The following MCPH1 variants were observed in gnomAD, a reference collection of about 807,000 sequenced individuals.
MCPH1 encodes the protein microcephalin 1, also known as microcephalin.
MCPH1 carries 104 observed loss-of-function variants against 84.5 expected under a neutral mutation model. The ratio of observed to expected loss-of-function variants is 1.23; its 90% CI spans 1.05 to 1.45. The LOEUF is 1.45. Ranked by LOEUF, MCPH1 falls within the 40% of genes most tolerant of loss-of-function variation. The pLI, the probability that MCPH1 is intolerant of heterozygous loss-of-function variation, is 0.00. For missense variants in MCPH1, 1,498 were observed against 1,005.7 expected (o/e 1.49, Z -6.62); for synonymous variants, 514 against 366.8 (o/e 1.40, Z -4.58).
intron 12 of MCPH1, among the ~76,000 whole-genome samples, chr8:6,537,859 A>C (rs1820785931): frequency 6.6e-6 from 1 of 152,156 alleles, no homozygotes; most frequent in Admixed American, 6.5e-5. Flanking sequence ...TTTCTCACCA[A>C]CTGTAGATGC....
rs373757547 is a variant in MCPH1 at position 6,414,812 on chromosome 8, T to C, written c.162T>C (p.Asp54=). The C allele has an allele frequency of 1.2e-6, 2 of 1,613,882 alleles. No individual in the cohort carries two copies. The highest frequency in any genetic ancestry group is 1.3e-5 in the African/African-American group (1 of 75,000). Residue 54 remains aspartate, a synonymous_variant, in exon 3 of 14, where the codon GAT becomes GAC. Transcript: ENST00000344683. The part of the protein sequence containing the change: ...NKQVTHVIFK[D]GYQSTWDKAQ... ...AAGTAACTCACGTTATCTTCAAAGA[T>C]GGCTACCAGAGCACTTGGGACAAAG... is the stretch of plus-strand genomic sequence containing the variant.
At chr8:6,453,127 C>T (rs188219035) in intron 8 of MCPH1, among the ~76,000 whole-genome samples, 260 of 152,286 alleles carry the variant, frequency 1.7e-3, no homozygotes, top group Non-Finnish European at 3.2e-3. Context: ...AATAAAGAGT[C>T]ATCCAAGAAG....
chr8:6,616,041 T>C (rs1419363656), intron 12 of MCPH1: 1 of 152,218 alleles, frequency 6.6e-6, no homozygotes, highest in East Asian at 1.9e-4. Context: ...AGAGCTTGCA[T>C]TACTGAGCGC....
chr8:6,548,252 C>G (rs142992787), intron 12 of MCPH1, among the ~76,000 whole-genome samples: 51 of 152,250 alleles, frequency 3.3e-4, no homozygotes, highest in African/African-American at 1.2e-3. Flanking sequence ...AAATGCCTTT[C>G]CTGCACCCTG....
chr8:6,525,823 A>G (rs541357925), intron 12 of MCPH1, among the ~76,000 whole-genome samples: 2 of 152,332 alleles, frequency 1.3e-5, no homozygotes, highest in Non-Finnish European at 2.9e-5. Flanking sequence ...AGCTGATGAG[A>G]AAAAGCTTAT....
At chr8:6,576,239 A>G (rs1376255834) in intron 12 of MCPH1, among the ~76,000 whole-genome samples, 1 of 152,120 alleles carries the variant, frequency 6.6e-6, no homozygotes, top group African/African-American at 2.4e-5. Context: ...AGTGTTTCCT[A>G]GAAGTACTAA....
chr8:6,416,855 A>G (rs183528823), intron 3 of MCPH1, among the ~76,000 whole-genome samples: 4 of 152,238 alleles, frequency 2.6e-5, no homozygotes, highest in Non-Finnish European at 5.9e-5. Flanking sequence ...TTAGCCAGTC[A>G]TGTTGGCGTG....
chr8:6,607,703 A>T (rs1253096076), intron 12 of MCPH1, among the ~76,000 whole-genome samples: 1 of 152,190 alleles, frequency 6.6e-6, no homozygotes. Context: ...ATGAGATCTG[A>T]TGGTGAATAA....
intron 12 of MCPH1, among the ~76,000 whole-genome samples, chr8:6,578,226 T>C (rs1419887916): frequency 6.6e-6 from 1 of 152,220 alleles, no homozygotes; most frequent in Non-Finnish European, 1.5e-5. Flanking sequence ...GGGTAGAAAT[T>C]CTTTCCCAAA....
chr8:6,613,396 C>T (rs977584453), intron 12 of MCPH1, among the ~76,000 whole-genome samples: 4 of 151,968 alleles, frequency 2.6e-5, no homozygotes, highest in African/African-American at 4.8e-5. Flanking sequence ...GAATTTAACC[C>T]GGGTTGTGGT....
intron 9 of MCPH1, among the ~76,000 whole-genome samples, chr8:6,476,672 G>A (rs1274351257): frequency 2.0e-5 from 3 of 151,990 alleles, no homozygotes; most frequent in Non-Finnish European, 4.4e-5. Context: ...TATACAAACC[G>A]CTTCATGTCT....
chr8:6,603,857 T>C (rs1455123170), intron 12 of MCPH1, among the ~76,000 whole-genome samples: 1 of 152,228 alleles, frequency 6.6e-6, no homozygotes, highest in Non-Finnish European at 1.5e-5. Flanking sequence ...GCAGGTCTAC[T>C]AAGGGACCCG....
At chr8:6,541,811 C>G (rs1226084913) in intron 12 of MCPH1, among the ~76,000 whole-genome samples, 1 of 152,054 alleles carries the variant, frequency 6.6e-6, no homozygotes, top group East Asian at 1.9e-4. Context: ...CAAGACCAGC[C>G]TAGGCAACAT....
chr8:6,433,232 C>T (rs1211438657), intron 4 of MCPH1, among the ~76,000 whole-genome samples: 1 of 152,094 alleles, frequency 6.6e-6, no homozygotes, highest in Non-Finnish European at 1.5e-5. Flanking sequence ...TTACTTAAGC[C>T]ACATATTTGA....
chr8:6,589,434 G>A (rs1370224456), intron 12 of MCPH1, among the ~76,000 whole-genome samples: 2 of 152,040 alleles, frequency 1.3e-5, no homozygotes, highest in African/African-American at 4.8e-5. Context: ...GTTCATCGAC[G>A]GCCGATTTCC....
At chr8:6,427,095 G>A (rs1351413338) in intron 3 of MCPH1, among the ~76,000 whole-genome samples, 1 of 152,204 alleles carries the variant, frequency 6.6e-6, no homozygotes, top group African/African-American at 2.4e-5. Flanking sequence ...GTGCAGTTGT[G>A]AAACAGTGGT....
intron 12 of MCPH1, among the ~76,000 whole-genome samples, chr8:6,596,225 CTG>C (rs986338586): frequency 6.6e-6 from 1 of 152,176 alleles, no homozygotes; most frequent in African/African-American, 2.4e-5. Context: ...CGAACTGGCA[CTG>C]TGCCTTGGAC....
At position 6,521,495 on chromosome 8, in the gene MCPH1, C is replaced by T. The variant is rs1817328407; in HGVS notation, c.2214+21566C>T. ...ATTGAATTTCTACTTCTCCAAGGTA[C>T]TCTGTTAAGATATTGTAGTGGTTAT... On this transcript the variant is annotated intron_variant, in intron 12 of 13. Coordinates refer to ENST00000344683, the MANE Select transcript of MCPH1 (RefSeq NM_024596.5). The T allele has an allele frequency of 5.0e-6, 5 of 995,596 alleles. No individual in the cohort carries two copies. In the Admixed American group the frequency reaches 1.1e-4, roughly 22 times the overall value. 61.7% of individuals were successfully genotyped at this position (995,596 alleles called of 1,614,324 possible). A position where few individuals can be genotyped will look rare whatever the true frequency, so the allele number is the denominator to read the frequency against.
rs192361504 is a variant in MCPH1, at chr8:6,410,073, G to A, written c.114+703G>A. On this transcript the variant is annotated intron_variant, in intron 2 of 13. Transcript: ENST00000344683. ...CAATCTCTGCCTTCTGGGTTCAAGC[G>A]ATTGTCCTGCCTCAGCCTTCCAAGT... Among the ~76,000 whole-genome samples, 185 of 152,142 alleles carry A rather than the reference G, an allele frequency of 1.2e-3. 1 individual carries two copies. Among genetic ancestry groups the A allele is most frequent in the African/African-American group, 4.3e-3 (177 of 41,514 alleles).
Sources: gnomAD v4.1 joint callset for allele counts (sites outside exome capture counted in the v4.1 genomes callset) on GRCh38, gnomAD v4.1.1 for gene constraint, MANE v1.5 for transcripts, NCBI Gene and HGNC (gene_info 2026-07-23, HGNC 2026-07-21) for gene names.